RAB6B: variants seen among roughly 807,000 people sequenced by gnomAD.
The protein encoded by RAB6B is ras-related protein Rab-6B.
A neutral mutation model predicts 31.2 loss-of-function variants in RAB6B; 7 were observed. That is an observed-to-expected ratio of 0.22 (90% CI 0.13 to 0.42). RAB6B has a LOEUF of 0.42. RAB6B is among the 10% of genes least tolerant of loss of function. The pLI is 1.00. For missense variants in RAB6B, 149 were observed against 280.6 expected (o/e 0.53, Z 3.35); for synonymous variants, 105 against 104.9 (o/e 1.00, Z -0.01).
chr3:133,886,192 A>G (rs1044025275), intron 1 of RAB6B, among the ~76,000 whole-genome samples: 1 of 152,206 alleles, frequency 6.6e-6, no homozygotes, highest in South Asian at 2.1e-4. Flanking sequence ...CTCTGCCCTC[A>G]GTGCCTCCCC....
intron 6 of RAB6B, among the ~76,000 whole-genome samples, chr3:133,837,041 G>A (rs531747352): frequency 2.6e-4 from 40 of 152,166 alleles, no homozygotes; most frequent in Middle Eastern, 3.4e-3. Flanking sequence ...AGAAGCGACC[G>A]CCAGGCCAAC....
chr3:133,838,801 G>C (rs960879398), intron 5 of RAB6B, among the ~76,000 whole-genome samples: 9 of 152,222 alleles, frequency 5.9e-5, no homozygotes, highest in Non-Finnish European at 1.0e-4. Context: ...CAGAACTCTA[G>C]TAAAGCAGGC....
chr3:133,868,961 G>A (rs951199227), intron 1 of RAB6B, among the ~76,000 whole-genome samples: 2 of 152,168 alleles, frequency 1.3e-5, no homozygotes, highest in Non-Finnish European at 2.9e-5. Flanking sequence ...AGCCAGAGTC[G>A]ATGCCTCATC....
In RAB6B at chr3:133,865,531, C is replaced by T. The variant is rs62269103; in HGVS notation, c.71-889G>A. Among the ~76,000 whole-genome samples the T allele has an allele frequency of 5.4e-3, 829 of 152,330 alleles. 7 individuals carry two copies. The highest frequency in any genetic ancestry group is 0.034 in the South Asian group (164 of 4,822). On this transcript the variant is annotated intron_variant, in intron 1 of 7. Coordinates refer to ENST00000285208, the MANE Select transcript of RAB6B (RefSeq NM_016577.4). ...GGCAGTCAAGGGACATTCATTAGGA[C>T]GGGCCCTGCACGGATGCCTGTCTGT...
chr3:133,832,641 C>A (rs1408970504), intron 7 of RAB6B, among the ~76,000 whole-genome samples: 1 of 152,226 alleles, frequency 6.6e-6, no homozygotes, highest in African/African-American at 2.4e-5. Flanking sequence ...ACGGCTGCCT[C>A]TGCCTGGTCC....
At chr3:133,862,675 G>A (rs1936177466) in intron 2 of RAB6B, among the ~76,000 whole-genome samples, 1 of 152,140 alleles carries the variant, frequency 6.6e-6, no homozygotes, top group Non-Finnish European at 1.5e-5. Flanking sequence ...CAGGATGGGG[G>A]ACAAGCAGTA....
At chr3:133,859,729 C>G (rs540419090) in intron 2 of RAB6B, among the ~76,000 whole-genome samples, 2 of 152,186 alleles carry the variant, frequency 1.3e-5, no homozygotes, top group Non-Finnish European at 2.9e-5. Flanking sequence ...TGTCCCCTCC[C>G]TAAGCAGCTG....
chr3:133,883,553 C>T (rs939931196), intron 1 of RAB6B, among the ~76,000 whole-genome samples: 2 of 151,804 alleles, frequency 1.3e-5, no homozygotes, highest in South Asian at 4.2e-4. Flanking sequence ...TGTCTGTGAG[C>T]CTCTCCCTTC....
intron 2 of RAB6B, among the ~76,000 whole-genome samples, chr3:133,859,092 T>C (rs1243146085): frequency 6.6e-6 from 1 of 152,130 alleles, no homozygotes; most frequent in East Asian, 1.9e-4. Context: ...AATCCTCCCA[T>C]CTCAGCCTCC....
rs116150372 is a variant in RAB6B, at chr3:133,842,964, G to A, written c.130-1301C>T. Among the ~76,000 whole-genome samples the A allele has an allele frequency of 6.4e-3, 977 of 152,282 alleles. 8 individuals are homozygous for A. Among genetic ancestry groups the A allele is most frequent in the African/African-American group, 0.022 (924 of 41,560 alleles). ...AAAAACACAACCAAAGGAAGCCCAA[G>A]AAAATAGAAAAGGTCATATCTCCAG... is the stretch of plus-strand genomic sequence containing the variant. On this transcript the variant is annotated intron_variant, in intron 2 of 7. Coordinates refer to ENST00000285208, the MANE Select transcript of RAB6B (RefSeq NM_016577.4).
At chr3:133,882,125 TC>T (rs1280501572) in intron 1 of RAB6B, among the ~76,000 whole-genome samples, 2 of 152,016 alleles carry the variant, frequency 1.3e-5, no homozygotes, top group African/African-American at 2.4e-5. Context: ...TTGTAGGACT[TC>T]CCCCCACGGG....
intron 2 of RAB6B, among the ~76,000 whole-genome samples, chr3:133,855,843 ACTACT>A: frequency 6.6e-6 from 1 of 152,212 alleles, no homozygotes; most frequent in Admixed American, 6.5e-5. Context: ...CCCTTGCTTG[ACTACT>A]TTAGACTGTA....
In RAB6B at chr3:133,827,734, T is replaced by A. The variant is rs1935588342; in HGVS notation, c.*1054A>T. ...AACATGGATCTTTCAAGGTGGTGGT[T>A]CTGCAGACAACACCCCCCCCCCCCC... On this transcript the variant is annotated 3_prime_UTR_variant, in exon 8 of 8. Coordinates refer to ENST00000285208, the MANE Select transcript of RAB6B (RefSeq NM_016577.4). The A allele has an allele frequency of 1.8e-6, 1 of 556,364 alleles. No homozygotes were observed. 34.5% of individuals were successfully genotyped at this position (556,364 alleles called of 1,614,324 possible). A position where few individuals can be genotyped will look rare whatever the true frequency, so the allele number is the denominator to read the frequency against.
intron 2 of RAB6B, among the ~76,000 whole-genome samples, chr3:133,853,049 C>G (rs1273489909): frequency 1.3e-5 from 2 of 152,172 alleles, no homozygotes; most frequent in Non-Finnish European, 2.9e-5. Context: ...ACAGTCATAT[C>G]TGTGGCTCCT....
At chr3:133,878,194 AT>A (rs1034431910) in intron 1 of RAB6B, among the ~76,000 whole-genome samples, 16 of 152,264 alleles carry the variant, frequency 1.1e-4, no homozygotes, top group African/African-American at 3.8e-4. Flanking sequence ...AGATTCAAAA[AT>A]CCCAAGCACA....
intron 1 of RAB6B, among the ~76,000 whole-genome samples, chr3:133,865,105 G>C (rs1237646754): frequency 6.6e-6 from 1 of 152,256 alleles, no homozygotes; most frequent in Non-Finnish European, 1.5e-5. Context: ...GGTGGGGACA[G>C]TGGCTTTCTA....
chr3:133,858,798 C>G (rs1312292659), intron 2 of RAB6B, among the ~76,000 whole-genome samples: 1 of 152,174 alleles, frequency 6.6e-6, no homozygotes, highest in Non-Finnish European at 1.5e-5. Context: ...GCCCTGCCAA[C>G]AGCCCACTCA....
At position 133,838,250 on chromosome 3, in the gene RAB6B, G is replaced by T. The variant is rs755097628; in HGVS notation, c.411C>A (p.Thr137=). Residue 137 remains threonine, a synonymous_variant, in exon 6 of 8, where the codon ACC becomes ACA. Transcript: ENST00000285208. The stretch of plus-strand genomic sequence containing the variant: ...TGGCGCGCTGCTCCCCCTCCTCGAT[G>T]GTTATCTGCCTAGAGATGAGGGGAA... ...KTDLADKRQI[T]IEEGEQRAKE... The T allele has an allele frequency of 1.2e-6, 2 of 1,613,868 alleles. No individual in the cohort carries two copies. The highest frequency in any genetic ancestry group is 3.3e-5 in the Admixed American group (2 of 60,022).
At chr3:133,889,209 G>A (rs1418265395) in intron 1 of RAB6B, among the ~76,000 whole-genome samples, 2 of 151,710 alleles carry the variant, frequency 1.3e-5, no homozygotes, top group Admixed American at 1.3e-4. Context: ...AACAATGGAC[G>A]ACTTGGGTGG....
Sources: allele counts gnomAD v4.1 joint callset (sites outside exome capture counted in the v4.1 genomes callset), GRCh38; gene constraint gnomAD v4.1.1; transcripts MANE v1.5; gene names NCBI Gene and HGNC (gene_info 2026-07-23, HGNC 2026-07-21).